Variants in PIEZO2 observed in about 807,000 individuals in gnomAD.
PIEZO2 encodes piezo-type mechanosensitive ion channel component 2.
In PIEZO2, 172 loss-of-function variants were observed where a neutral mutation model predicts 337.3. The ratio of observed to expected loss-of-function variants is 0.51; its 90% CI spans 0.45 to 0.58. PIEZO2 has a LOEUF of 0.58. PIEZO2 is among the 20% of genes least tolerant of loss of function. The pLI is 0.00. For missense variants in PIEZO2, 3,028 were observed against 3,391.3 expected (o/e 0.89, Z 2.66); for synonymous variants, 1,251 against 1,228.5 (o/e 1.02, Z -0.38).
At chr18:10,936,016 G>A (rs1407104053) in intron 3 of PIEZO2, among the ~76,000 whole-genome samples, 1 of 152,186 alleles carries the variant, frequency 6.6e-6, no homozygotes, top group Non-Finnish European at 1.5e-5. Context: ...TTTCTACACA[G>A]GGTCACAGGT....
In PIEZO2 at chr18:10,766,346, G is replaced by T. The variant is rs1417494421; in HGVS notation, c.2947-3248C>A. On this transcript the variant is annotated intron_variant, in intron 21 of 55. Transcript: ENST00000674853. This position sits in a 1 kb window ranked among gnomAD's most constrained non-coding sequence, Gnocchi z 6.1. The stretch of plus-strand genomic sequence containing the variant: ...GTAGGAGGAGAAGGAGGAGGAGGAG[G>T]ACAATGACTATGACAAATACCTGGG... Among the ~76,000 whole-genome samples the T allele has an allele frequency of 1.3e-5, 2 of 151,780 alleles. No homozygotes were observed. Among genetic ancestry groups the T allele is most frequent in the Non-Finnish European group, 2.9e-5 (2 of 67,930 alleles).
intron 45 of PIEZO2, among the ~76,000 whole-genome samples, chr18:10,696,800 A>G (rs2035110764): frequency 6.6e-6 from 1 of 152,184 alleles, no homozygotes; most frequent in South Asian, 2.1e-4. Flanking sequence ...TTGAAGCATA[A>G]TAGAATGGTA....
intron 3 of PIEZO2, among the ~76,000 whole-genome samples, chr18:10,967,312 C>T (rs186153416): frequency 1.2e-4 from 18 of 152,164 alleles, no homozygotes; most frequent in East Asian, 9.7e-4. Flanking sequence ...CCACCATGCC[C>T]GGCCTATATA....
Position 11,025,640 on chromosome 18 carries a change from T to C in PIEZO2, c.160+40487A>G, listed in dbSNP as rs1041022170. ...TTTGTGCCTTTCTGGAATGAAAAGATTCTCTCTGTTTTTGACACAGACATT... is the reference window on the plus strand; with the variant it reads ...TTTGTGCCTTTCTGGAATGAAAAGACTCTCTCTGTTTTTGACACAGACATT... On this transcript the variant is annotated intron_variant, in intron 2 of 55. Coordinates refer to ENST00000674853, the MANE Select transcript of PIEZO2 (RefSeq NM_001378183.1). 3.1e-4 allele frequency among the ~76,000 whole-genome samples: 47 copies of C among 152,182 alleles called. 1 individual carries two copies. The highest frequency in any genetic ancestry group is 1.1e-3 in the African/African-American group (45 of 41,438).
intron 1 of PIEZO2, among the ~76,000 whole-genome samples, chr18:11,068,536 G>T (rs1598910407): frequency 1.3e-5 from 2 of 151,870 alleles, no homozygotes; most frequent in Non-Finnish European, 2.9e-5. Flanking sequence ...TCCAGCAAAA[G>T]CAGTTCTAAG....
chr18:11,113,100 C>A (rs533712211), intron 1 of PIEZO2, among the ~76,000 whole-genome samples: 1 of 152,116 alleles, frequency 6.6e-6, no homozygotes, highest in Non-Finnish European at 1.5e-5. Context: ...TATAAAGGGG[C>A]AATGTTGAAC....
rs552446562 is a variant in PIEZO2, at chr18:11,062,701, C to G, written c.160+3426G>C. Reference sequence around the variant, plus strand: ...CCATCAGAGAAATGCAAATCAAAACCACAATGAGATACCATCTTACACCAG... The same window carrying G: ...CCATCAGAGAAATGCAAATCAAAACGACAATGAGATACCATCTTACACCAG... On this transcript the variant is annotated intron_variant, in intron 2 of 55. Transcript: ENST00000674853. 5.0e-3 allele frequency among the ~76,000 whole-genome samples: 768 copies of G among 152,246 alleles called. 8 individuals carry two copies. The highest frequency in any genetic ancestry group is 0.017 in the African/African-American group (711 of 41,546).
At chr18:11,006,564 G>A (rs948617375) in intron 2 of PIEZO2, among the ~76,000 whole-genome samples, 11 of 152,086 alleles carry the variant, frequency 7.2e-5, no homozygotes, top group African/African-American at 1.7e-4. Flanking sequence ...ACTTTACCTC[G>A]TATTGGTCTA....
chr18:11,070,659 C>A lies in PIEZO2; in HGVS notation c.65-4437G>T, dbSNP rs527254916. On this transcript the variant is annotated intron_variant, in intron 1 of 55. Coordinates refer to ENST00000674853, the MANE Select transcript of PIEZO2 (RefSeq NM_001378183.1). The surrounding 1 kb of genome is among the most constrained non-coding windows in gnomAD (Gnocchi z 4.3). ...GTGACTGCCGGTAAGGATGTCCTTG[C>A]AGGCCCTCGCAGAAGGGCTTCAGCC... 1.1e-4 allele frequency among the ~76,000 whole-genome samples: 16 copies of A among 152,332 alleles called. No individual in the cohort carries two copies. Among genetic ancestry groups the A allele is most frequent in the African/African-American group, 3.8e-4 (16 of 41,582 alleles).
chr18:10,762,101 A>G (rs1403178094), intron 23 of PIEZO2, among the ~76,000 whole-genome samples: 1 of 152,206 alleles, frequency 6.6e-6, no homozygotes, highest in African/African-American at 2.4e-5. Context: ...AGCATTTGGT[A>G]TACTTTACTT....
chr18:10,890,010 C>T lies in PIEZO2; in HGVS notation c.330-18595G>A, dbSNP rs182712244. On this transcript the variant is annotated intron_variant, in intron 4 of 55. Coordinates refer to ENST00000674853, the MANE Select transcript of PIEZO2 (RefSeq NM_001378183.1). ...AGCACTGTCCATAATTATACACAGC[C>T]TAATTCCTGAGATAAATTCTTTATC... is the stretch of plus-strand genomic sequence containing the variant. 1.4e-4 allele frequency among the ~76,000 whole-genome samples: 21 copies of T among 152,350 alleles called. 1 individual carries two copies. The Middle Eastern group carries it at 0.01, about 74-fold the overall frequency.
intron 35 of PIEZO2, among the ~76,000 whole-genome samples, chr18:10,733,772 A>C (rs1365217454): frequency 6.6e-6 from 1 of 152,148 alleles, no homozygotes. Context: ...CTTACTTTGC[A>C]CCTGCACCTG....
intron 52 of PIEZO2, among the ~76,000 whole-genome samples, chr18:10,679,073 C>T (rs759358346): frequency 9.2e-5 from 14 of 151,802 alleles, no homozygotes; most frequent in Non-Finnish European, 1.5e-4. Flanking sequence ...GCTGGGATTA[C>T]AGGCATGCGC....
intron 32 of PIEZO2, 63 bp from the exon 33 acceptor site, chr18:10,741,165 C>T (rs577291285): frequency 8.0e-5 from 113 of 1,416,384 alleles, no homozygotes; most frequent in Non-Finnish European, 9.8e-5. Flanking sequence ...TTGAAAACCA[C>T]GCTTTAACAA....
intron 1 of PIEZO2, among the ~76,000 whole-genome samples, chr18:11,135,545 T>C (rs2040457606): frequency 6.6e-6 from 1 of 152,040 alleles, no homozygotes; most frequent in Non-Finnish European, 1.5e-5. Flanking sequence ...CGTTGCAGAT[T>C]GATTGATTGA....
chr18:10,844,244 C>A (rs1359418823), intron 7 of PIEZO2, among the ~76,000 whole-genome samples: 1 of 151,732 alleles, frequency 6.6e-6, no homozygotes, highest in Non-Finnish European at 1.5e-5. Context: ...CATGGCGAAG[C>A]CCCATCTCTA....
Position 11,031,946 on chromosome 18 carries a change from C to T in PIEZO2, c.160+34181G>A, listed in dbSNP as rs577957172. On this transcript the variant is annotated intron_variant, in intron 2 of 55. Coordinates refer to ENST00000674853, the MANE Select transcript of PIEZO2 (RefSeq NM_001378183.1). This position sits in a 1 kb window ranked among gnomAD's most constrained non-coding sequence, Gnocchi z 4.7. ...TCCAAGATACGAGACAAAACTCGTT[C>T]TCTCTCTGTCTTTCTCTGTTTCTCT... Among the ~76,000 whole-genome samples, 123 of 152,274 alleles carry T rather than the reference C, an allele frequency of 8.1e-4. No individual in the cohort carries two copies. The highest frequency in any genetic ancestry group is 2.8e-3 in the African/African-American group (116 of 41,550).
rs143536796 is a variant in PIEZO2 at position 10,993,513 on chromosome 18, TTTGTTGTTGTTGTTG to T, written c.161-13868_161-13854del. Among the ~76,000 whole-genome samples the T allele has an allele frequency of 6.6e-6, 1 of 151,616 alleles. No individual in the cohort carries two copies. Among genetic ancestry groups the T allele is most frequent in the African/African-American group, 2.4e-5 (1 of 41,204 alleles). ...TTCTGTTTATGTGATAGATTACGTT[TTTGTTGTTGTTGTTG>T]TTGTTGTTGTTGTTTTGAGGCGGAG... On this transcript the variant is annotated intron_variant, in intron 2 of 55. Transcript: ENST00000674853. This position sits in a 1 kb window ranked among gnomAD's most constrained non-coding sequence, Gnocchi z 5.0.
At chr18:10,808,793 T>A (rs1017951907) in intron 7 of PIEZO2, among the ~76,000 whole-genome samples, 1 of 152,228 alleles carries the variant, frequency 6.6e-6, no homozygotes, top group African/African-American at 2.4e-5. Flanking sequence ...AAATTTCTTG[T>A]ATAAAGTACA....
Sources: allele counts gnomAD v4.1 joint callset (sites outside exome capture counted in the v4.1 genomes callset), GRCh38; gene constraint gnomAD v4.1.1; non-coding constraint Gnocchi (gnomAD v3.1); transcripts MANE v1.5; gene names NCBI Gene and HGNC (gene_info 2026-07-23, HGNC 2026-07-21).